The following ARHGAP11A variants were observed in gnomAD, a reference collection of about 807,000 sequenced individuals.
ARHGAP11A encodes the protein rho GTPase-activating protein 11A.
Under a neutral mutation model 60.5 loss-of-function variants are expected in ARHGAP11A, and 36 were observed. That is an observed-to-expected ratio of 0.59 (90% CI 0.46 to 0.79). The LOEUF (loss-of-function observed/expected upper bound fraction) is 0.79, where lower values mean the gene tolerates loss of function less well. Ranked by LOEUF, ARHGAP11A falls within the 30% of genes least tolerant of loss-of-function variation. The pLI is 0.00. For missense variants in ARHGAP11A, 1,071 were observed against 1,199.2 expected, an observed-to-expected ratio of 0.89 and a Z score of 1.58; for synonymous variants, 362 against 415.5, an observed-to-expected ratio of 0.87 and a Z score of 1.57.
In ARHGAP11A at chr15:32,637,432, GCAT is replaced by G. The variant is rs766726525; in HGVS notation, c.2662_2664del (p.Ser888del). 62 of 1,614,154 alleles carry G rather than the reference GCAT, an allele frequency of 3.8e-5. No individual in the cohort carries two copies. The Admixed American group carries it at 1.0e-3, about 26-fold the overall frequency. ...TGCTCTTTCCTCTTGTATAGAAAGT[GCAT>G]CAAAAGATTCCTCTGTTTCATGTAT... is the stretch of plus-strand genomic sequence containing the variant. On this transcript the variant is annotated inframe_deletion, in exon 12 of 12. Coordinates refer to ENST00000361627, the MANE Select transcript of ARHGAP11A (RefSeq NM_014783.6).
chr15:32,627,204 CCT>C (rs1311431010), intron 6 of ARHGAP11A, among the ~76,000 whole-genome samples: 1 of 151,794 alleles, frequency 6.6e-6, no homozygotes, highest in African/African-American at 2.4e-5. Context: ...GCTAGGGAGA[CCT>C]CATCACATCT....
Position 32,637,873 on chromosome 15 carries a change from GTAAA to G in ARHGAP11A, c.*33_*36del. ...GGTAAATGTTATACTTGTCATTAAT[GTAAA>G]TAAAGTGAGTAATTGGTATGACTTG... is the stretch of plus-strand genomic sequence containing the variant. On this transcript the variant is annotated 3_prime_UTR_variant, in exon 12 of 12. Coordinates refer to ENST00000361627, the MANE Select transcript of ARHGAP11A (RefSeq NM_014783.6). 1 of 1,514,798 alleles carries G rather than the reference GTAAA, an allele frequency of 6.6e-7. No individual in the cohort carries two copies. Among genetic ancestry groups the G allele is most frequent in the Non-Finnish European group, 8.9e-7 (1 of 1,125,924 alleles). The allele number at this position is 1,514,798 out of a possible 1,614,324, so 93.8% of individuals were successfully genotyped here. A position where few individuals can be genotyped will look rare whatever the true frequency, so the allele number is the denominator to read the frequency against.
At chr15:32,635,940 G>A (rs1201808480) in intron 11 of ARHGAP11A, 25 bp downstream of exon 11, 1 of 1,559,846 alleles carries the variant, frequency 6.4e-7, no homozygotes, top group East Asian at 2.3e-5. Context: ...TACTGTTAGA[G>A]TTTTACCTAA....
chr15:32,620,893 C>A (rs930287170), intron 2 of ARHGAP11A, among the ~76,000 whole-genome samples: 3 of 151,940 alleles, frequency 2.0e-5, no homozygotes, highest in Admixed American at 1.3e-4. Flanking sequence ...AAGCAAGACT[C>A]CATGTATAAA....
intron 2 of ARHGAP11A, among the ~76,000 whole-genome samples, chr15:32,621,328 T>C (rs2053298786): frequency 6.6e-6 from 1 of 151,548 alleles, no homozygotes; most frequent in African/African-American, 2.4e-5. Context: ...GTAGCTGGGA[T>C]TACAGGTGTC....
chr15:32,636,964 G>T lies in ARHGAP11A; in HGVS notation c.2191G>T (p.Asp731Tyr), dbSNP rs757140912. 12 of 1,609,894 alleles carry T rather than the reference G, an allele frequency of 7.5e-6. No homozygotes were observed. In the East Asian group the frequency reaches 2.7e-4, roughly 36 times the overall value. Reference protein sequence around the residue: ...EEIKKQQSPKDKLNNKLKENE... With the variant: ...EEIKKQQSPKYKLNNKLKENE... ...AATAAAGAAACAGCAGTCCCCAAAGGATAAACTAAATAATAAATTAAAAGA... is the reference window on the plus strand; with the variant it reads ...AATAAAGAAACAGCAGTCCCCAAAGTATAAACTAAATAATAAATTAAAAGA... Residue 731 changes from aspartate to tyrosine, a missense_variant, in exon 12 of 12, where the codon GAT (aspartate) becomes TAT (tyrosine). This residue lies in a region of ARHGAP11A where 776 missense variants were observed against 760.2 expected (regional missense o/e 1.02). Transcript: ENST00000361627.
chr15:32,615,578 G>T lies in ARHGAP11A; in HGVS notation c.-634G>T, dbSNP rs999848672. 1 of 152,770 alleles carries T rather than the reference G, an allele frequency of 6.5e-6. No homozygotes were observed. The highest frequency in any genetic ancestry group is 1.5e-5 in the Non-Finnish European group (1 of 68,270). The allele number at this position is 152,770 out of a possible 1,614,324, so 9.5% of individuals were successfully genotyped here. On this transcript the variant is annotated 5_prime_UTR_variant, in exon 1 of 12. Coordinates refer to ENST00000361627, the MANE Select transcript of ARHGAP11A (RefSeq NM_014783.6). ...GCATGAGGCTAACGGCTTGGCTTCA[G>T]TGAACGCACCGGGATGTGCAGGCCG...
intron 7 of ARHGAP11A, 55 bp downstream of exon 7, chr15:32,628,857 A>C: frequency 8.2e-7 from 1 of 1,224,882 alleles, no homozygotes; most frequent in Non-Finnish European, 1.1e-6. Flanking sequence ...GTATTCTATA[A>C]AATACAATTA....
At chr15:32,636,054 A>T in intron 11 of ARHGAP11A, 139 bp downstream of exon 11, 1 of 1,379,118 alleles carries the variant, frequency 7.3e-7, no homozygotes, top group Middle Eastern at 2.5e-4. Context: ...TAGAATTGGC[A>T]ATGTATTTTT....
At chr15:32,617,626 C>G (rs538325444) in intron 1 of ARHGAP11A, among the ~76,000 whole-genome samples, 3 of 152,158 alleles carry the variant, frequency 2.0e-5, no homozygotes, top group African/African-American at 7.2e-5. Context: ...CGCCCGCCAC[C>G]ACACCTGGCT....
chr15:32,636,106 A>C, intron 11 of ARHGAP11A, 151 bp from the exon 12 acceptor site: 3 of 1,392,306 alleles, frequency 2.2e-6, no homozygotes, highest in Non-Finnish European at 2.8e-6. Flanking sequence ...AAATATGAAA[A>C]TGTTTGACAT....
chr15:32,620,319 A>C (rs1447473420), intron 2 of ARHGAP11A, 141 bp downstream of exon 2: 4 of 1,446,628 alleles, frequency 2.8e-6, no homozygotes. Context: ...ACCTTGTCGC[A>C]AAAGATAGAA....
At position 32,636,431 on chromosome 15, in the gene ARHGAP11A, ATAT is replaced by A; in HGVS notation, c.1662_1664del (p.Ile554del). On this transcript the variant is annotated inframe_deletion, in exon 12 of 12. Coordinates refer to ENST00000361627, the MANE Select transcript of ARHGAP11A (RefSeq NM_014783.6). The stretch of plus-strand genomic sequence containing the variant: ...GAGGTAGAAAACTCTTTGGAGCCTG[ATAT>A]TATGGTAGAAAAGTCACCTGCTACT... The A allele has an allele frequency of 6.2e-7, 1 of 1,614,022 alleles. No homozygotes were observed. The highest frequency in any genetic ancestry group is 8.5e-7 in the Non-Finnish European group (1 of 1,179,956).
intron 1 of ARHGAP11A, among the ~76,000 whole-genome samples, chr15:32,619,034 A>G (rs887199856): frequency 5.3e-5 from 8 of 152,210 alleles, no homozygotes; most frequent in African/African-American, 1.9e-4. Flanking sequence ...TCAGCTTACA[A>G]TATTTGTAAA....
intron 6 of ARHGAP11A, 72 bp downstream of exon 6, chr15:32,625,705 C>G (rs544336690): frequency 1.3e-6 from 2 of 1,508,336 alleles, no homozygotes; most frequent in South Asian, 1.3e-5. Context: ...CATAAAGAAG[C>G]ATGAACTGTG....
rs1263565507 is a variant in ARHGAP11A at position 32,633,109 on chromosome 15, G to A, written c.1235+1G>A. 2 of 1,613,738 alleles carry A rather than the reference G, an allele frequency of 1.2e-6. No individual in the cohort carries two copies. Among genetic ancestry groups the A allele is most frequent in the East Asian group, 2.2e-5 (1 of 44,862 alleles). ...GAATTGCAGGCAAAAAAGTTTGCAGGTACTTTATCCAGGACATTTTGTTTT... is the reference window on the plus strand; with the variant it reads ...GAATTGCAGGCAAAAAAGTTTGCAGATACTTTATCCAGGACATTTTGTTTT... On this transcript the variant is annotated splice_donor_variant, in intron 9 of 11. Transcript: ENST00000361627. LOFTEE classifies it high-confidence loss of function.
chr15:32,617,448 T>C (rs1213867190), intron 1 of ARHGAP11A, among the ~76,000 whole-genome samples: 1 of 149,962 alleles, frequency 6.7e-6, no homozygotes, highest in Non-Finnish European at 1.5e-5. Flanking sequence ...TGGACTTTTT[T>C]TCACCCCTTT....
chr15:32,632,242 G>A (rs1394688689), intron 8 of ARHGAP11A, among the ~76,000 whole-genome samples: 1 of 152,126 alleles, frequency 6.6e-6, no homozygotes, highest in African/African-American at 2.4e-5. Context: ...AATGTATATG[G>A]AGCCTTTGTT....
Position 32,625,235 on chromosome 15 carries a change from C to T in ARHGAP11A, c.707C>T (p.Ser236Leu), listed in dbSNP as rs2053431220. 6.2e-7 allele frequency: 1 copy of T among 1,606,130 alleles called. No individual in the cohort carries two copies. The highest frequency in any genetic ancestry group is 1.3e-5 in the African/African-American group (1 of 74,634). ...GTACAGACTCTTATCGATTATGCAT[C>T]AGATATTGGTAAGATGTAGTTGCAT... Reference protein sequence around the residue: ...AVVQTLIDYASDIGRVPDFIL... With the variant: ...AVVQTLIDYALDIGRVPDFIL... The change falls in exon 5 of 12, where the codon TCA becomes TTA. Residue 236 changes from serine (S) to leucine (L), a missense_variant. This residue lies in a region of ARHGAP11A where 196 missense variants were observed against 272.1 expected (regional missense o/e 0.72). Coordinates refer to ENST00000361627, the MANE Select transcript of ARHGAP11A (RefSeq NM_014783.6).
Sources: gnomAD v4.1 joint callset for allele counts (sites outside exome capture counted in the v4.1 genomes callset) on GRCh38, gnomAD v4.1.1 for gene constraint, gnomAD v4.1.1 regional missense constraint, MANE v1.5 for transcripts, NCBI Gene and HGNC (gene_info 2026-07-23, HGNC 2026-07-21) for gene names.